NRXN2: variants seen among roughly 807,000 people sequenced by gnomAD.
NRXN2 encodes neurexin 2, also known as neurexin-2-beta.
A neutral mutation model predicts 128.8 loss-of-function variants in NRXN2; 29 were observed. That is an observed-to-expected ratio of 0.23 (90% CI 0.17 to 0.31). NRXN2 has a LOEUF of 0.31. Among genes scored for constraint, NRXN2 ranks in the 10% least tolerant of loss-of-function variants. NRXN2 has a pLI of 1.00. For missense variants in NRXN2, 1,881 were observed against 2,452.6 expected (o/e 0.77, Z 4.92); for synonymous variants, 1,098 against 1,075.2 (o/e 1.02, Z -0.41).
chr11:64,640,481 G>T (rs1036806631), intron 17 of NRXN2, among the ~76,000 whole-genome samples: 1 of 152,090 alleles, frequency 6.6e-6, no homozygotes, highest in Non-Finnish European at 1.5e-5. Context: ...GGCACCTTTG[G>T]GGGCAACACT....
intron 4 of NRXN2, among the ~76,000 whole-genome samples, 171 bp from the exon 5 acceptor site, chr11:64,690,647 C>T (rs2053683836): frequency 6.6e-6 from 1 of 152,094 alleles, no homozygotes; most frequent in Non-Finnish European, 1.5e-5. Flanking sequence ...GAAGGAGCCG[C>T]TTGACAAACC....
At chr11:64,647,188 G>A (rs1210618669) in intron 17 of NRXN2, among the ~76,000 whole-genome samples, 2 of 151,366 alleles carry the variant, frequency 1.3e-5, no homozygotes, top group Non-Finnish European at 2.9e-5. Flanking sequence ...TTCCATGTCT[G>A]TAAAATGGAG....
intron 7 of NRXN2, chr11:64,675,954 T>G (rs1156364160): frequency 6.5e-6 from 1 of 153,892 alleles, no homozygotes; most frequent in East Asian, 1.9e-4. Context: ...CAGCTGCATT[T>G]ACACAGACAC....
chr11:64,652,584 G>A (rs2047625913), intron 12 of NRXN2, among the ~76,000 whole-genome samples: 1 of 152,150 alleles, frequency 6.6e-6, no homozygotes, highest in South Asian at 2.1e-4. Context: ...TTCCCAGGGT[G>A]TAAACACAGA....
At chr11:64,698,005 C>A (rs144291048) in intron 2 of NRXN2, among the ~76,000 whole-genome samples, 1 of 152,272 alleles carries the variant, frequency 6.6e-6, no homozygotes, top group African/African-American at 2.4e-5. Flanking sequence ...TGAGTCAGAA[C>A]CTCACACACA....
intron 6 of NRXN2, among the ~76,000 whole-genome samples, chr11:64,684,946 G>A (rs1382161142): frequency 6.6e-6 from 1 of 152,180 alleles, no homozygotes; most frequent in African/African-American, 2.4e-5. Context: ...CAGAAAGCAA[G>A]CCATGGATGC....
intron 19 of NRXN2, 68 bp from the exon 20 acceptor site, chr11:64,626,620 T>C (rs1409153409): frequency 2.0e-5 from 23 of 1,138,344 alleles, no homozygotes; most frequent in Non-Finnish European, 2.8e-5. Flanking sequence ...GAAAAGTAAT[T>C]ATGCAATCCT....
intron 7 of NRXN2, among the ~76,000 whole-genome samples, chr11:64,671,239 C>G (rs75581103): frequency 6.6e-6 from 1 of 151,758 alleles, no homozygotes; most frequent in Non-Finnish European, 1.5e-5. Flanking sequence ...AAGGGATCAG[C>G]CAGAGGTGGG....
Position 64,714,333 on chromosome 11 carries a change from C to T in NRXN2, c.-244-390G>A, listed in dbSNP as rs2057218025. Among the ~76,000 whole-genome samples the T allele has an allele frequency of 6.6e-6, 1 of 152,182 alleles. No individual in the cohort carries two copies. Among genetic ancestry groups the T allele is most frequent in the South Asian group, 2.1e-4 (1 of 4,834 alleles). On this transcript the variant is annotated intron_variant, in intron 1 of 22. Coordinates refer to ENST00000265459, the MANE Select transcript of NRXN2 (RefSeq NM_015080.4). The surrounding 1 kb of genome is among the most constrained non-coding windows in gnomAD (Gnocchi z 4.5). ...TGGTGACCCCAGCCCCTTCTCTGAA[C>T]CGCCCAGCCTCTGCCTGGCTCCCAC... is the stretch of plus-strand genomic sequence containing the variant.
intron 5 of NRXN2, among the ~76,000 whole-genome samples, chr11:64,687,797 G>A (rs2053263509): frequency 6.6e-6 from 1 of 152,210 alleles, no homozygotes; most frequent in Non-Finnish European, 1.5e-5. Flanking sequence ...AAGCCCTGCG[G>A]GAACAGGTAC....
At chr11:64,712,944 C>G (rs1436803443) in intron 2 of NRXN2, 26 bp downstream of exon 2, 18 of 1,498,120 alleles carry the variant, frequency 1.2e-5, no homozygotes, top group Non-Finnish European at 1.6e-5. Flanking sequence ...CGCCCAGGCA[C>G]CGGGCGGCCG....
chr11:64,612,446 A>C (rs1186597553), intron 22 of NRXN2, among the ~76,000 whole-genome samples: 1 of 152,190 alleles, frequency 6.6e-6, no homozygotes, highest in Non-Finnish European at 1.5e-5. Context: ...CACACTTAGC[A>C]CAGATGCCAC....
rs564964512 is a variant in NRXN2, at chr11:64,628,780, T to C, written c.3757+1622A>G. On this transcript the variant is annotated intron_variant, in intron 19 of 22. Coordinates refer to ENST00000265459, the MANE Select transcript of NRXN2 (RefSeq NM_015080.4). ...GCCTACACAGCCAGAGCTGTCAGTG[T>C]TGGCTTGTTGGGGGGCGTGGGGGAT... Among the ~76,000 whole-genome samples the C allele has an allele frequency of 3.3e-5, 5 of 152,294 alleles. No homozygotes were observed. The East Asian group carries it at 5.8e-4, about 18-fold the overall frequency.
At position 64,660,280 on chromosome 11, in the gene NRXN2, G is replaced by A. The variant is rs1192296735; in HGVS notation, c.2389+52C>T. 6.3e-7 allele frequency: 1 copy of A among 1,587,572 alleles called. No homozygotes were observed. The highest frequency in any genetic ancestry group is 8.6e-7 in the Non-Finnish European group (1 of 1,157,690). ...CTTCTCCAGACAGAGGCAGGTGTGG[G>A]TCAGAGACAAGGCCAGGTGAGGGGT... On this transcript the variant is annotated intron_variant, in intron 11 of 22. Transcript: ENST00000265459. This position sits in a 1 kb window ranked among gnomAD's most constrained non-coding sequence, Gnocchi z 5.2.
At chr11:64,679,429 A>G (rs2051849472) in intron 6 of NRXN2, among the ~76,000 whole-genome samples, 1 of 152,004 alleles carries the variant, frequency 6.6e-6, no homozygotes, top group Admixed American at 6.5e-5. Flanking sequence ...TGAGGTCAGG[A>G]GATTGAGACC....
At position 64,607,947 on chromosome 11, in the gene NRXN2, A is replaced by T; in HGVS notation, c.4388T>A (p.Leu1463Gln). 1 of 1,393,330 alleles carries T rather than the reference A, an allele frequency of 7.2e-7. No homozygotes were observed. The highest frequency in any genetic ancestry group is 9.5e-7 in the Non-Finnish European group (1 of 1,054,992). 86.3% of individuals were successfully genotyped at this position (1,393,330 alleles called of 1,614,324 possible). Reference sequence around the variant, plus strand: ...CGGGCGGCGCGCGGCGGGCGGGGGCAGCGTGTCTTGGGTGGCGCCCACTCC... The same window carrying T: ...CGGGCGGCGCGCGGCGGGCGGGGGCTGCGTGTCTTGGGTGGCGCCCACTCC... ...LTGVGATQDTLPPPAARRPPS... is the reference protein window; with the variant it reads ...LTGVGATQDTQPPPAARRPPS... Residue 1463 changes from leucine to glutamine, a missense_variant, in exon 23 of 23, where the codon CTG becomes CAG. Physicochemically the swap from Leu to Gln is moderately radical, Grantham distance 113 (BLOSUM62 -2). This residue lies in a region of NRXN2 where 310 missense variants were observed against 318.2 expected (regional missense o/e 0.97). Coordinates refer to ENST00000265459, the MANE Select transcript of NRXN2 (RefSeq NM_015080.4).
chr11:64,693,097 G>A (rs2054044689), intron 3 of NRXN2, among the ~76,000 whole-genome samples: 1 of 151,712 alleles, frequency 6.6e-6, no homozygotes, highest in Admixed American at 6.6e-5. Flanking sequence ...TGCCGAAACA[G>A]CGGGTGGAGG....
At chr11:64,692,987 G>T (rs1257523635) in intron 3 of NRXN2, 111 bp from the exon 4 acceptor site, 12 of 973,806 alleles carry the variant, frequency 1.2e-5, no homozygotes, top group Non-Finnish European at 1.9e-5. Context: ...CCAGAGAGAA[G>T]GGAGAAAAAA....
At position 64,654,226 on chromosome 11, in the gene NRXN2, G is replaced by A. The variant is rs1012448788; in HGVS notation, c.2390-504C>T. 2.6e-5 allele frequency among the ~76,000 whole-genome samples: 4 copies of A among 152,256 alleles called. No homozygotes were observed. In the East Asian group the frequency reaches 7.7e-4, roughly 29 times the overall value. On this transcript the variant is annotated intron_variant, in intron 11 of 22. Coordinates refer to ENST00000265459, the MANE Select transcript of NRXN2 (RefSeq NM_015080.4). ...CCTCTGGGCTCTGAGCTAAATGGAG[G>A]GGTCTGCCCCAGGGCCCCCTTCCCG...
Sources: gnomAD v4.1 joint callset for allele counts (sites outside exome capture counted in the v4.1 genomes callset) on GRCh38, gnomAD v4.1.1 for gene constraint, gnomAD v4.1.1 regional missense constraint, Gnocchi (gnomAD v3.1) non-coding constraint, MANE v1.5 for transcripts, NCBI Gene and HGNC (gene_info 2026-07-23, HGNC 2026-07-21) for gene names.